Variants in PTPRF observed in about 807,000 individuals in gnomAD.
PTPRF encodes protein tyrosine phosphatase receptor type F.
In PTPRF, 59 loss-of-function variants were observed where a neutral mutation model predicts 201.8. That is an observed-to-expected ratio of 0.29 (90% confidence interval 0.24 to 0.36). PTPRF has a LOEUF of 0.36. Ranked by LOEUF, PTPRF falls within the 10% of genes least tolerant of loss-of-function variation. The probability of loss-of-function intolerance (pLI) is 1.00; values close to 1 mark genes in which losing one functional copy is unlikely to be tolerated. For missense variants in PTPRF, 2,132 were observed against 2,690.5 expected (o/e 0.79, Z 4.59); for synonymous variants, 1,088 against 1,089.7 (o/e 1.00, Z 0.03).
At chr1:43,584,890 G>A (rs1050235428) in intron 7 of PTPRF, among the ~76,000 whole-genome samples, 3 of 152,202 alleles carry the variant, frequency 2.0e-5, no homozygotes, top group Non-Finnish European at 2.9e-5. Context: ...CTCCCCCTGC[G>A]ATTAGGCTGT....
At chr1:43,577,367 G>A (rs1025955181) in intron 6 of PTPRF, among the ~76,000 whole-genome samples, 8 of 152,238 alleles carry the variant, frequency 5.3e-5, no homozygotes, top group Admixed American at 6.5e-5. Flanking sequence ...TGTGCACTGG[G>A]CCCTGGTGCT....
rs576934808 is a variant in PTPRF at position 43,619,219 on chromosome 1, C to G, written c.4646+17C>G. The G allele has an allele frequency of 1.2e-6, 2 of 1,608,852 alleles. No individual in the cohort carries two copies. Among genetic ancestry groups the G allele is most frequent in the Non-Finnish European group, 1.7e-6 (2 of 1,177,794 alleles). ...GCACTGCAGGTGAGAGGGTACAGTG[C>G]CACCCAGAGGGGTGGGTGGGGTGGG... On this transcript the variant is annotated intron_variant, in intron 27 of 33. Transcript: ENST00000359947.
At chr1:43,580,995 A>T (rs930537494) in intron 7 of PTPRF, among the ~76,000 whole-genome samples, 2 of 152,266 alleles carry the variant, frequency 1.3e-5, no homozygotes, top group African/African-American at 4.8e-5. Flanking sequence ...ACTAGGCAGC[A>T]TTCTCTGAAG....
At chr1:43,567,568 C>G (rs1468188484) in intron 5 of PTPRF, among the ~76,000 whole-genome samples, 1 of 152,158 alleles carries the variant, frequency 6.6e-6, no homozygotes, top group Admixed American at 6.5e-5. Context: ...GGCCACAGTC[C>G]CTTTGGGATG....
intron 7 of PTPRF, among the ~76,000 whole-genome samples, chr1:43,585,123 C>G (rs1039707231): frequency 6.6e-6 from 1 of 152,180 alleles, no homozygotes; most frequent in Non-Finnish European, 1.5e-5. Context: ...GCATTTTTCC[C>G]AGCTCCAGTT....
intron 16 of PTPRF, 110 bp from the exon 17 acceptor site, chr1:43,604,793 C>A (rs1654641315): frequency 3.3e-6 from 3 of 912,146 alleles, no homozygotes; most frequent in Non-Finnish European, 5.3e-6. Context: ...ATCCTTCAAC[C>A]CCCTGTTCCC....
At chr1:43,597,533 T>A (rs929712343) in intron 11 of PTPRF, among the ~76,000 whole-genome samples, 7 of 151,940 alleles carry the variant, frequency 4.6e-5, no homozygotes, top group Admixed American at 1.3e-4. Flanking sequence ...TGTGTGTGTG[T>A]GAGAGAGGGA....
chr1:43,606,108 G>A, intron 19 of PTPRF, 132 bp from the exon 20 acceptor site: 2 of 925,982 alleles, frequency 2.2e-6, no homozygotes, highest in Non-Finnish European at 3.2e-6. Context: ...GCAGTGGGTT[G>A]GGCAGGTGTG....
At chr1:43,593,585 C>CAG (rs1398057037) in intron 11 of PTPRF, among the ~76,000 whole-genome samples, 2 of 152,204 alleles carry the variant, frequency 1.3e-5, no homozygotes, top group Non-Finnish European at 2.9e-5. Flanking sequence ...ATGTGATGAC[C>CAG]AGAAACATGG....
chr1:43,556,589 C>G (rs1163697594), intron 5 of PTPRF, among the ~76,000 whole-genome samples: 1 of 152,160 alleles, frequency 6.6e-6, no homozygotes, highest in African/African-American at 2.4e-5. Flanking sequence ...TGTATGAGTC[C>G]GTGGGCTCTA....
At chr1:43,538,647 T>C (rs889417220) in intron 2 of PTPRF, among the ~76,000 whole-genome samples, 2 of 152,158 alleles carry the variant, frequency 1.3e-5, no homozygotes, top group African/African-American at 4.8e-5. Context: ...AGGTGTGAAA[T>C]AGGCTTCCGG....
upstream of PTPRF, among the ~76,000 whole-genome samples, chr1:43,524,807 G>A (rs1643049584): frequency 6.6e-6 from 1 of 152,190 alleles, no homozygotes; most frequent in Non-Finnish European, 1.5e-5. Context: ...TCTCTATAAA[G>A]ATGTGGCAAG....
At chr1:43,606,023 G>T (rs510930) in intron 19 of PTPRF, among the ~76,000 whole-genome samples, 3,536 of 152,306 alleles carry the variant, frequency 0.023, 147 homozygotes, top group African/African-American at 0.081. Context: ...TTAGGGTGGG[G>T]CAGCTTACAC....
At position 43,591,098 on chromosome 1, in the gene PTPRF, C is replaced by G. The variant is rs772095405; in HGVS notation, c.1076C>G (p.Thr359Arg). 3 of 1,613,816 alleles carry G rather than the reference C, an allele frequency of 1.9e-6. No homozygotes were observed. The highest frequency in any genetic ancestry group is 2.5e-6 in the Non-Finnish European group (3 of 1,180,044). ...GGCATCCAGTACCGCGCAGCGGGCA[C>G]GGAGGGCCCCTTTCAGGAGGTGGAT... ...YYGIQYRAAG[T>R]EGPFQEVDGV... The change falls in exon 9 of 34, where the codon ACG becomes AGG. Residue 359 changes from threonine (T) to arginine (R), a missense_variant. Around this residue, in one of 6 missense-constraint regions of PTPRF, gnomAD observed 351 missense variants for 401.7 expected, o/e 0.87. Transcript: ENST00000359947.
intron 8 of PTPRF, 112 bp downstream of exon 8, chr1:43,589,112 C>G: frequency 1.5e-6 from 2 of 1,327,328 alleles, no homozygotes; most frequent in Non-Finnish European, 2.0e-6. Flanking sequence ...GGGATTCTTG[C>G]CCTTTCCTGG....
At chr1:43,618,824 C>T (rs538069293) in intron 26 of PTPRF, 75 bp downstream of exon 26, 519 of 1,554,234 alleles carry the variant, frequency 3.3e-4, no homozygotes, top group Non-Finnish European at 3.9e-4. Context: ...TGTGCTGGGT[C>T]GGGGGGAAGC....
intron 6 of PTPRF, 89 bp from the exon 7 acceptor site, chr1:43,578,721 C>T: frequency 3.1e-6 from 3 of 958,264 alleles, no homozygotes; most frequent in Non-Finnish European, 4.9e-6. Flanking sequence ...TGGTCAACAT[C>T]AGCCACAGAT....
chr1:43,592,414 T>G (rs1371678357), intron 10 of PTPRF, 43 bp from the exon 11 acceptor site: 2 of 1,569,286 alleles, frequency 1.3e-6, no homozygotes, highest in Non-Finnish European at 1.7e-6. Flanking sequence ...TGTGAGTGAC[T>G]TTGAGCTCAG....
intron 1 of PTPRF, among the ~76,000 whole-genome samples, chr1:43,535,946 T>A (rs1277403115): frequency 6.6e-6 from 1 of 151,950 alleles, no homozygotes; most frequent in Non-Finnish European, 1.5e-5. Flanking sequence ...AATTTTTGTA[T>A]TTTTTTAGAG....
Sources: gnomAD v4.1 joint callset for allele counts (sites outside exome capture counted in the v4.1 genomes callset) on GRCh38, gnomAD v4.1.1 for gene constraint, gnomAD v4.1.1 regional missense constraint, MANE v1.5 for transcripts, NCBI Gene and HGNC (gene_info 2026-07-23, HGNC 2026-07-21) for gene names.